Variants in ZNF831 observed in about 807,000 individuals in gnomAD.
ZNF831 encodes the protein chromosome 20 open reading frame 174.
Under a neutral mutation model 95.8 loss-of-function variants are expected in ZNF831, and 59 were observed. The observed-to-expected ratio is 0.62, with a 90% CI of 0.50 to 0.77. ZNF831 has a LOEUF of 0.77. ZNF831 is among the 30% of genes least tolerant of loss of function. The pLI is 0.00. For missense variants in ZNF831, 2,205 were observed against 2,164.0 expected, an observed-to-expected ratio of 1.02 and a Z score of -0.38; for synonymous variants, 961 against 925.5, an observed-to-expected ratio of 1.04 and a Z score of -0.70.
At chr20:59,124,704 G>T (rs951013214) in intron 1 of ZNF831, among the ~76,000 whole-genome samples, 3 of 152,228 alleles carry the variant, frequency 2.0e-5, no homozygotes, top group Admixed American at 6.5e-5. Context: ...TGCTTGTCAG[G>T]TCACCTCTCT....
At position 59,256,604 on chromosome 20, in the gene ZNF831, G is replaced by T. The variant is rs1209140113; in HGVS notation, c.*1861G>T. The T allele has an allele frequency of 6.6e-6, 1 of 152,250 alleles. No homozygotes were observed. Among genetic ancestry groups the T allele is most frequent in the Admixed American group, 6.5e-5 (1 of 15,284 alleles). The allele number at this position is 152,250 out of a possible 1,614,324, so 9.4% of individuals were successfully genotyped here. ...AATAAGAGAGTTGGACAAGACGAAT[G>T]TATCTCCAGGTTCCAATTTTTCTGA... On this transcript the variant is annotated 3_prime_UTR_variant, in exon 6 of 6. Transcript: ENST00000371030.
chr20:59,132,948 G>T (rs565677757), intron 1 of ZNF831, among the ~76,000 whole-genome samples: 1 of 152,354 alleles, frequency 6.6e-6, no homozygotes, highest in South Asian at 2.1e-4. Flanking sequence ...ACCTGTTAGG[G>T]TATGTTCAAC....
At chr20:59,139,214 G>A (rs1346751005) in intron 1 of ZNF831, among the ~76,000 whole-genome samples, 1 of 151,864 alleles carries the variant, frequency 6.6e-6, no homozygotes, top group Non-Finnish European at 1.5e-5. Context: ...TATAACAGTG[G>A]TTCCTTCCTT....
At chr20:59,150,873 C>A (rs1210957602) in intron 2 of ZNF831, among the ~76,000 whole-genome samples, 1 of 152,186 alleles carries the variant, frequency 6.6e-6, no homozygotes, top group Admixed American at 6.5e-5. Context: ...TGGCTGTGGG[C>A]GGGCGGGCCG....
chr20:59,156,247 C>T (rs912329725), intron 2 of ZNF831, among the ~76,000 whole-genome samples: 12 of 152,114 alleles, frequency 7.9e-5, no homozygotes, highest in African/African-American at 2.9e-4. Flanking sequence ...ATTTTAAGTA[C>T]GTGGGCTGAC....
chr20:59,241,359 G>GAAA (rs769396068), intron 4 of ZNF831, among the ~76,000 whole-genome samples: 1 of 145,104 alleles, frequency 6.9e-6, no homozygotes, highest in African/African-American at 2.5e-5. Flanking sequence ...GGCTTTTGCT[G>GAAA]AAAAAAAAAA....
At chr20:59,143,796 C>A (rs1979755634) in intron 1 of ZNF831, among the ~76,000 whole-genome samples, 1 of 152,204 alleles carries the variant, frequency 6.6e-6, no homozygotes, top group Non-Finnish European at 1.5e-5. Flanking sequence ...GATTGTATTG[C>A]AAGTCTGGCC....
At chr20:59,243,808 A>C in intron 4 of ZNF831, among the ~76,000 whole-genome samples, 1 of 152,228 alleles carries the variant, frequency 6.6e-6, no homozygotes, top group East Asian at 1.9e-4. Flanking sequence ...AAACACATCA[A>C]TTATATCCCA....
chr20:59,235,514 G>A (rs571255236), intron 4 of ZNF831, among the ~76,000 whole-genome samples: 1 of 152,242 alleles, frequency 6.6e-6, no homozygotes, highest in Non-Finnish European at 1.5e-5. Context: ...CCTTATCAGA[G>A]CTGCTGTGTG....
chr20:59,244,366 C>T (rs1180948824), intron 4 of ZNF831, among the ~76,000 whole-genome samples: 1 of 152,188 alleles, frequency 6.6e-6, no homozygotes, highest in East Asian at 1.9e-4. Flanking sequence ...GGATTTATCT[C>T]TGTCTTTCAG....
chr20:59,183,634 A>G (rs1010243082), intron 1 of ZNF831, among the ~76,000 whole-genome samples: 2 of 152,348 alleles, frequency 1.3e-5, no homozygotes, highest in Admixed American at 1.3e-4. Context: ...AAAACATGAC[A>G]TCATGGTTTA....
chr20:59,250,246 T>C (rs1439932361), intron 4 of ZNF831, among the ~76,000 whole-genome samples: 1 of 151,980 alleles, frequency 6.6e-6, no homozygotes, highest in Non-Finnish European at 1.5e-5. Flanking sequence ...GAAAATGGGG[T>C]TTGAGCAAAT....
chr20:59,256,825 T>G lies in ZNF831; in HGVS notation c.*2082T>G, dbSNP rs1322860459. 1 of 152,270 alleles carries G rather than the reference T, an allele frequency of 6.6e-6. No individual in the cohort carries two copies. Among genetic ancestry groups the G allele is most frequent in the Non-Finnish European group, 1.5e-5 (1 of 68,090 alleles). 9.4% of individuals were successfully genotyped at this position (152,270 alleles called of 1,614,324 possible). ...CTGAGCCTGAAGAAGCTCCATCTAA[T>G]TTTTTCCCCAGAGTTCCAGATTTTA... On this transcript the variant is annotated 3_prime_UTR_variant, in exon 6 of 6. Transcript: ENST00000371030.
chr20:59,246,612 A>C (rs1987620865), intron 4 of ZNF831, among the ~76,000 whole-genome samples: 1 of 151,980 alleles, frequency 6.6e-6, no homozygotes, highest in South Asian at 2.1e-4. Flanking sequence ...ACATGACAGA[A>C]TTTTTAAAGC....
intron 1 of ZNF831, among the ~76,000 whole-genome samples, chr20:59,190,449 T>A (rs1407776739): frequency 6.6e-6 from 1 of 152,250 alleles, no homozygotes; most frequent in Non-Finnish European, 1.5e-5. Context: ...GTTTTTTTTC[T>A]TGCTGTCTTC....
chr20:59,227,997 A>G (rs1986521172), intron 4 of ZNF831, among the ~76,000 whole-genome samples: 1 of 152,194 alleles, frequency 6.6e-6, no homozygotes, highest in African/African-American at 2.4e-5. Context: ...TTATAGTGAT[A>G]ATTGCAAATA....
In ZNF831 at chr20:59,192,051, G is replaced by C. The variant is rs1568752705; in HGVS notation, c.1032G>C (p.Ser344=). 1 of 1,608,176 alleles carries C rather than the reference G, an allele frequency of 6.2e-7. No homozygotes were observed. ...GRLRKCESTD[S]GYLSRSDSAE... ...TGCGGAAGTGTGAGAGCACCGACTC[G>C]GGGTACCTGTCGCGCTCCGACAGCG... is the stretch of plus-strand genomic sequence containing the variant. The change falls in exon 2 of 6, where the codon TCG becomes TCC. Residue 344 remains serine, a synonymous_variant. Transcript: ENST00000371030. This position sits in a 1 kb window ranked among gnomAD's most constrained non-coding sequence, Gnocchi z 5.2.
chr20:59,201,875 G>A (rs1357647758), intron 3 of ZNF831, among the ~76,000 whole-genome samples: 1 of 152,196 alleles, frequency 6.6e-6, no homozygotes, highest in Non-Finnish European at 1.5e-5. Flanking sequence ...TACAGAAATA[G>A]ACCATGCTGT....
intron 2 of ZNF831, among the ~76,000 whole-genome samples, chr20:59,195,616 G>A (rs1175557759): frequency 1.3e-5 from 2 of 152,186 alleles, no homozygotes; most frequent in Non-Finnish European, 2.9e-5. Context: ...TGTTTCTTTG[G>A]CCTCCAGTTA....
Sources: gnomAD v4.1 joint callset for allele counts (sites outside exome capture counted in the v4.1 genomes callset) on GRCh38, gnomAD v4.1.1 for gene constraint, Gnocchi (gnomAD v3.1) non-coding constraint, MANE v1.5 for transcripts, NCBI Gene and HGNC (gene_info 2026-07-23, HGNC 2026-07-21) for gene names.